The following CACNG2 variants were observed in gnomAD, a reference collection of about 807,000 sequenced individuals.
CACNG2 encodes voltage-dependent calcium channel gamma-2 subunit.
A neutral mutation model predicts 25.9 loss-of-function variants in CACNG2; 3 were observed. The observed-to-expected ratio is 0.12, with a 90% CI of 0.05 to 0.30. The LOEUF (loss-of-function observed/expected upper bound fraction) is 0.30. Among genes scored for constraint, CACNG2 ranks in the 10% least tolerant of loss-of-function variants. The pLI, the probability that CACNG2 is intolerant of heterozygous loss-of-function variation, is 1.00. For missense variants in CACNG2, 341 were observed against 432.5 expected, an observed-to-expected ratio of 0.79 and a Z score of 1.88; for synonymous variants, 167 against 173.3, an observed-to-expected ratio of 0.96 and a Z score of 0.29.
At chr22:36,659,488 T>G (rs752385448) in intron 1 of CACNG2, among the ~76,000 whole-genome samples, 12 of 152,122 alleles carry the variant, frequency 7.9e-5, no homozygotes, top group Non-Finnish European at 1.3e-4. Context: ...CAAATTACCT[T>G]GCCCAAGTTC....
intron 1 of CACNG2, among the ~76,000 whole-genome samples, chr22:36,692,196 G>A (rs1031648747): frequency 6.6e-6 from 1 of 152,144 alleles, no homozygotes; most frequent in Non-Finnish European, 1.5e-5. Flanking sequence ...GCAAGACAAC[G>A]GGTGGATTCT....
At chr22:36,600,452 A>AC (rs1659967713) in intron 1 of CACNG2, among the ~76,000 whole-genome samples, 1 of 18,450 alleles carries the variant, frequency 5.4e-5, no homozygotes, top group African/African-American at 8.1e-5. Flanking sequence ...CAAAAAAACA[A>AC]AAAAAAAAAT....
At chr22:36,631,023 G>A (rs1382327011) in intron 1 of CACNG2, among the ~76,000 whole-genome samples, 2 of 152,120 alleles carry the variant, frequency 1.3e-5, no homozygotes, top group African/African-American at 4.8e-5. Flanking sequence ...TAGAGACGGG[G>A]TTTCACTATG....
At chr22:36,671,988 AAAAGG>A (rs1280141971) in intron 1 of CACNG2, among the ~76,000 whole-genome samples, 1 of 152,170 alleles carries the variant, frequency 6.6e-6, no homozygotes, top group Non-Finnish European at 1.5e-5. Flanking sequence ...AACTTTCAGC[AAAAGG>A]CAATAAAGAA....
intron 2 of CACNG2, among the ~76,000 whole-genome samples, chr22:36,577,071 C>A (rs1935330290): frequency 6.6e-6 from 1 of 152,144 alleles, no homozygotes. Flanking sequence ...CTAGCTGTGA[C>A]CTGGTCCCCC....
chr22:36,580,869 A>T (rs996312368), intron 2 of CACNG2, among the ~76,000 whole-genome samples: 1 of 152,078 alleles, frequency 6.6e-6, no homozygotes, highest in South Asian at 2.1e-4. Flanking sequence ...CACACAACAC[A>T]CAGGGACCCA....
chr22:36,655,757 T>C (rs866864716), intron 1 of CACNG2, among the ~76,000 whole-genome samples: 3,274 of 131,286 alleles, frequency 0.025, 146 homozygotes, highest in African/African-American at 0.12. Context: ...TTCCTTTCTT[T>C]CTTTCTTTCT....
chr22:36,626,109 G>A (rs1009198200), intron 1 of CACNG2, among the ~76,000 whole-genome samples: 6 of 152,124 alleles, frequency 3.9e-5, no homozygotes, highest in Middle Eastern at 3.2e-3. Flanking sequence ...TAGTAGAGAC[G>A]GGGTTTCACC....
chr22:36,669,713 GTCTC>G (rs201155240), intron 1 of CACNG2, among the ~76,000 whole-genome samples: 2 of 151,610 alleles, frequency 1.3e-5, no homozygotes, highest in Non-Finnish European at 2.9e-5. Flanking sequence ...TTCTCTCTCT[GTCTC>G]TCTCTTTCTT....
intron 1 of CACNG2, among the ~76,000 whole-genome samples, chr22:36,666,507 C>A (rs1322263932): frequency 6.6e-6 from 1 of 151,908 alleles, no homozygotes; most frequent in African/African-American, 2.4e-5. Context: ...GCATGGTTGC[C>A]AGGGGTTGAG....
intron 1 of CACNG2, among the ~76,000 whole-genome samples, chr22:36,644,528 T>C (rs982040354): frequency 1.8e-4 from 28 of 152,202 alleles, no homozygotes; most frequent in Non-Finnish European, 3.4e-4. Flanking sequence ...TTCTAGCAGA[T>C]TGCGAAGACA....
chr22:36,641,184 T>G (rs1936437916), intron 1 of CACNG2, among the ~76,000 whole-genome samples: 1 of 152,202 alleles, frequency 6.6e-6, no homozygotes, highest in Admixed American at 6.5e-5. Context: ...TGCAGAGCAC[T>G]TGTCACCACC....
chr22:36,620,620 T>C (rs912752490), intron 1 of CACNG2, among the ~76,000 whole-genome samples: 1 of 152,246 alleles, frequency 6.6e-6, no homozygotes, highest in African/African-American at 2.4e-5. Flanking sequence ...GCCAAGTTAC[T>C]TAATTTCTCC....
chr22:36,594,008 T>G (rs537540150), intron 1 of CACNG2, among the ~76,000 whole-genome samples: 1 of 152,022 alleles, frequency 6.6e-6, no homozygotes, highest in Non-Finnish European at 1.5e-5. Context: ...ATGAATGAGA[T>G]TTCATTTCCC....
chr22:36,628,496 C>T (rs186734346), intron 1 of CACNG2, among the ~76,000 whole-genome samples: 3 of 152,342 alleles, frequency 2.0e-5, no homozygotes, highest in Non-Finnish European at 1.5e-5. Flanking sequence ...CAGAAGTCCC[C>T]TCTTATTTAT....
intron 1 of CACNG2, among the ~76,000 whole-genome samples, chr22:36,595,056 T>C (rs578171011): frequency 6.6e-6 from 1 of 151,660 alleles, no homozygotes; most frequent in Admixed American, 6.6e-5. Flanking sequence ...TGTGTGCATG[T>C]GTCTTTGTGT....
rs35964599 is a variant in CACNG2 at position 36,688,539 on chromosome 22, CA to C, written c.211+13826del. ...TGGGCGACAGAGTGAGACCCTGTCTCAAAAAAAAAAAAAAAAAAAAAGTAGC... is the reference window on the plus strand; with the variant it reads ...TGGGCGACAGAGTGAGACCCTGTCTCAAAAAAAAAAAAAAAAAAAAGTAGC... On this transcript the variant is annotated intron_variant, in intron 1 of 3. Transcript: ENST00000300105. Among the ~76,000 whole-genome samples, 579 of 70,130 alleles carry C rather than the reference CA, an allele frequency of 8.3e-3. 2 individuals carry two copies. Among genetic ancestry groups the C allele is most frequent in the South Asian group, 0.024 (46 of 1,936 alleles). The allele number at this position is 70,130 out of a possible 152,430, so 46.0% of individuals were successfully genotyped here. A position where few individuals can be genotyped will look rare whatever the true frequency, so the allele number is the denominator to read the frequency against.
At chr22:36,674,395 C>T (rs1338985936) in intron 1 of CACNG2, among the ~76,000 whole-genome samples, 2 of 152,188 alleles carry the variant, frequency 1.3e-5, no homozygotes, top group Non-Finnish European at 2.9e-5. Context: ...GTGGCACTAT[C>T]TCGGCTCACT....
At position 36,679,189 on chromosome 22, in the gene CACNG2, C is replaced by T. The variant is rs200765065; in HGVS notation, c.211+23177G>A. Among the ~76,000 whole-genome samples, 468 of 69,228 alleles carry T rather than the reference C, an allele frequency of 6.8e-3. 1 individual carries two copies. The highest frequency in any genetic ancestry group is 0.022 in the Admixed American group (165 of 7,572). 45.4% of individuals were successfully genotyped at this position (69,228 alleles called of 152,430 possible). A position where few individuals can be genotyped will look rare whatever the true frequency, so the allele number is the denominator to read the frequency against. ...TCCTTCCTTCCTTCCTTCCTTCCTT[C>T]CTTCCTTCCTTTCTTTCTTTCTTTC... On this transcript the variant is annotated intron_variant, in intron 1 of 3. Transcript: ENST00000300105.
Sources: allele counts gnomAD v4.1 joint callset (sites outside exome capture counted in the v4.1 genomes callset), GRCh38; gene constraint gnomAD v4.1.1; transcripts MANE v1.5; gene names NCBI Gene and HGNC (gene_info 2026-07-23, HGNC 2026-07-21).